DEPDC5: variants seen among roughly 807,000 people sequenced by gnomAD.
DEPDC5 encodes GATOR1 complex protein DEPDC5.
In DEPDC5, 73 loss-of-function variants were observed where a neutral mutation model predicts 217.3. The ratio of observed to expected loss-of-function variants is 0.34; its 90% CI spans 0.28 to 0.41. The LOEUF (loss-of-function observed/expected upper bound fraction) is 0.41, where lower values mean the gene tolerates loss of function less well. DEPDC5 is among the 10% of genes least tolerant of loss of function. The pLI, the probability that DEPDC5 is intolerant of heterozygous loss-of-function variation, is 1.00. For missense variants in DEPDC5, 1,675 were observed against 2,070.1 expected, an observed-to-expected ratio of 0.81 and a Z score of 3.70; for synonymous variants, 733 against 756.7, an observed-to-expected ratio of 0.97 and a Z score of 0.51.
At chr22:31,856,521 GTAGT>G (rs1259476916) in intron 31 of DEPDC5, among the ~76,000 whole-genome samples, 1 of 152,108 alleles carries the variant, frequency 6.6e-6, no homozygotes, top group Non-Finnish European at 1.5e-5. Context: ...AAAATAAAGT[GTAGT>G]TAATTTTAGA....
At chr22:31,813,458 G>T (rs1435519581) in intron 20 of DEPDC5, among the ~76,000 whole-genome samples, 1 of 152,142 alleles carries the variant, frequency 6.6e-6, no homozygotes, top group Non-Finnish European at 1.5e-5. Context: ...CAAACATGTA[G>T]TCAGCACTTG....
intron 8 of DEPDC5, among the ~76,000 whole-genome samples, chr22:31,779,766 A>G (rs2084237675): frequency 6.6e-6 from 1 of 152,156 alleles, no homozygotes; most frequent in African/African-American, 2.4e-5. Flanking sequence ...TTGGTACAAT[A>G]GTGTCACTAT....
Position 31,814,980 on chromosome 22 carries a change from C to G in DEPDC5, c.1446-12C>G, listed in dbSNP as rs1192959651. 6.2e-7 allele frequency: 1 copy of G among 1,613,874 alleles called. No homozygotes were observed. Among genetic ancestry groups the G allele is most frequent in the Non-Finnish European group, 8.5e-7 (1 of 1,179,848 alleles). On this transcript the variant is annotated splice_polypyrimidine_tract_variant and intron_variant, in intron 20 of 42. Transcript: ENST00000651528. ...CTCGCTTGATGGTAACTTTTTGTCT[C>G]TTGCCTGGCAGATCTGTGCGAGAGC...
chr22:31,893,462 A>C, intron 38 of DEPDC5, 120 bp from the exon 39 acceptor site: 40 of 892,880 alleles, frequency 4.5e-5, no homozygotes, highest in Non-Finnish European at 5.6e-5. Context: ...AACTTCTGGA[A>C]TCTGCAGTTT....
At position 31,822,771 on chromosome 22, in the gene DEPDC5, G is replaced by T; in HGVS notation, c.2085G>T (p.Leu695=). ...FSGTEELSVG[L]LSNSGAGMNP... Reference sequence around the variant, plus strand: ...GAACAGAGGAGCTTTCTGTCGGCCTGCTTAGCAACAGTGGTGCAGGTAACC... The same window carrying T: ...GAACAGAGGAGCTTTCTGTCGGCCTTCTTAGCAACAGTGGTGCAGGTAACC... The change falls in exon 24 of 43, where the codon CTG becomes CTT. Residue 695 remains leucine, a synonymous_variant. Transcript: ENST00000651528. 1 of 1,614,048 alleles carries T rather than the reference G, an allele frequency of 6.2e-7. No individual in the cohort carries two copies. Among genetic ancestry groups the T allele is most frequent in the Non-Finnish European group, 8.5e-7 (1 of 1,179,964 alleles).
chr22:31,764,088 C>A (rs973338897), intron 4 of DEPDC5, among the ~76,000 whole-genome samples: 1 of 151,956 alleles, frequency 6.6e-6, no homozygotes, highest in African/African-American at 2.4e-5. Flanking sequence ...CACCACGACA[C>A]CTGGCTAAAT....
At position 31,895,731 on chromosome 22, in the gene DEPDC5, G is replaced by A. The variant is rs117533081; in HGVS notation, c.4204-1751G>A. 4.5e-4 allele frequency among the ~76,000 whole-genome samples: 68 copies of A among 150,536 alleles called. No individual in the cohort carries two copies. In the East Asian group the frequency reaches 0.012, roughly 27 times the overall value. ...GTCCAGAGCTCATAGGCTAAGTTTT[G>A]TCCCACAAAACATGGTATCCTGGGA... On this transcript the variant is annotated intron_variant, in intron 39 of 42. Coordinates refer to ENST00000651528, the MANE Select transcript of DEPDC5 (RefSeq NM_001242896.3).
chr22:31,845,981 A>G (rs554941578), intron 30 of DEPDC5, among the ~76,000 whole-genome samples: 1 of 151,952 alleles, frequency 6.6e-6, no homozygotes, highest in African/African-American at 2.4e-5. Flanking sequence ...AGCTGGGACT[A>G]AAGGTGTGCA....
intron 37 of DEPDC5, among the ~76,000 whole-genome samples, chr22:31,878,865 C>A (rs2093079606): frequency 6.6e-6 from 1 of 151,422 alleles, no homozygotes; most frequent in Admixed American, 6.6e-5. Context: ...ATGGTGAAAT[C>A]CCGTCTACTA....
chr22:31,841,417 G>A (rs1722358075), intron 27 of DEPDC5, among the ~76,000 whole-genome samples: 1 of 152,204 alleles, frequency 6.6e-6, no homozygotes, highest in Non-Finnish European at 1.5e-5. Context: ...CAAAGAGTTG[G>A]ACAAAATGCA....
At chr22:31,807,479 T>A (rs1332182460) in intron 18 of DEPDC5, among the ~76,000 whole-genome samples, 1 of 152,134 alleles carries the variant, frequency 6.6e-6, no homozygotes, top group Admixed American at 6.6e-5. Flanking sequence ...TCTCCCAAGC[T>A]GGAGTGCAGT....
intron 36 of DEPDC5, chr22:31,875,936 T>C: frequency 2.2e-6 from 1 of 462,464 alleles, no homozygotes; most frequent in South Asian, 3.8e-5. Context: ...CCCGGCCATC[T>C]GAATTTCTTC....
chr22:31,777,606 C>T (rs2084008846), intron 7 of DEPDC5, among the ~76,000 whole-genome samples: 1 of 151,532 alleles, frequency 6.6e-6, no homozygotes, highest in Non-Finnish European at 1.5e-5. Context: ...GATTAAGAGC[C>T]CCTGTTCATA....
intron 39 of DEPDC5, among the ~76,000 whole-genome samples, chr22:31,896,519 C>G (rs1358468506): frequency 2.0e-5 from 3 of 147,222 alleles, no homozygotes; most frequent in Non-Finnish European, 4.5e-5. Flanking sequence ...CCACATCGAT[C>G]AACCTTTTTT....
chr22:31,844,592 A>G (rs1569086312), intron 29 of DEPDC5, among the ~76,000 whole-genome samples: 2 of 150,212 alleles, frequency 1.3e-5, no homozygotes, highest in East Asian at 4.0e-4. Context: ...TCTATGCATG[A>G]TTTGTGATTG....
At chr22:31,776,818 ACC>A (rs1299009341) in intron 7 of DEPDC5, among the ~76,000 whole-genome samples, 1 of 151,510 alleles carries the variant, frequency 6.6e-6, no homozygotes, top group East Asian at 1.9e-4. Context: ...CAGGTGATCC[ACC>A]TGCCTTGGCC....
chr22:31,821,256 C>A (rs950138926), intron 22 of DEPDC5, among the ~76,000 whole-genome samples: 5 of 152,244 alleles, frequency 3.3e-5, no homozygotes, highest in African/African-American at 7.2e-5. Flanking sequence ...AGTTGACACA[C>A]CTGAGGCAGA....
intron 33 of DEPDC5, 48 bp from the exon 34 acceptor site, chr22:31,870,542 C>T (rs1273645919): frequency 6.9e-6 from 10 of 1,449,902 alleles, no homozygotes; most frequent in Non-Finnish European, 8.2e-6. Flanking sequence ...CTGTGTTTTC[C>T]TGTCAGTTAT....
intron 24 of DEPDC5, among the ~76,000 whole-genome samples, chr22:31,826,901 T>TC (rs908811293): frequency 6.6e-6 from 1 of 151,830 alleles, no homozygotes; most frequent in African/African-American, 2.4e-5. Flanking sequence ...TACATAGTTT[T>TC]TTTTTTTTTT....
Sources: gnomAD v4.1 joint callset for allele counts (sites outside exome capture counted in the v4.1 genomes callset) on GRCh38, gnomAD v4.1.1 for gene constraint, MANE v1.5 for transcripts, NCBI Gene and HGNC (gene_info 2026-07-23, HGNC 2026-07-21) for gene names.